The following PIK3C3 variants were observed in gnomAD, a reference collection of about 807,000 sequenced individuals.
PIK3C3 encodes the protein PI3-kinase type 3.
Under a neutral mutation model 126.1 loss-of-function variants are expected in PIK3C3, and 95 were observed. The ratio of observed to expected loss-of-function variants is 0.75; its 90% CI spans 0.64 to 0.89. The LOEUF is 0.89. Among genes scored for constraint, PIK3C3 ranks in the 40% least tolerant of loss-of-function variants. The probability of loss-of-function intolerance (pLI) is 0.00; values close to 1 mark genes in which losing one functional copy is unlikely to be tolerated. For synonymous variants in PIK3C3, 374 were observed against 360.0 expected (o/e 1.04, Z -0.44); for missense variants, 829 against 1,063.2 (o/e 0.78, Z 3.06).
intron 4 of PIK3C3, among the ~76,000 whole-genome samples, chr18:41,975,391 CAAA>C (rs1980864058): frequency 6.6e-5 from 10 of 152,148 alleles, no homozygotes; most frequent in Non-Finnish European, 1.2e-4. Flanking sequence ...AACTACATTT[CAAA>C]TGCTTAGACG....
At chr18:41,987,928 T>C in intron 5 of PIK3C3, 30 bp downstream of exon 5, 1 of 1,284,180 alleles carries the variant, frequency 7.8e-7, no homozygotes, top group Non-Finnish European at 1.1e-6. Flanking sequence ...TATTTTAAAA[T>C]ATTTTCTGTA....
At chr18:42,018,558 T>G (rs1983179791) in intron 12 of PIK3C3, among the ~76,000 whole-genome samples, 1 of 152,090 alleles carries the variant, frequency 6.6e-6, no homozygotes, top group African/African-American at 2.4e-5. Flanking sequence ...ACACCTAAGC[T>G]TTAAAACTGG....
chr18:42,045,258 A>C (rs180813924), intron 20 of PIK3C3, among the ~76,000 whole-genome samples: 3 of 151,948 alleles, frequency 2.0e-5, no homozygotes, highest in African/African-American at 4.8e-5. Flanking sequence ...AAAACACTGA[A>C]GATTTTGAGA....
intron 4 of PIK3C3, among the ~76,000 whole-genome samples, chr18:41,983,422 A>C (rs1458806006): frequency 6.6e-6 from 1 of 151,930 alleles, no homozygotes; most frequent in African/African-American, 2.4e-5. Context: ...TGAAGCCCCA[A>C]AGCTCTTTGG....
chr18:42,029,295 A>C (rs746197661), intron 14 of PIK3C3, 30 bp from the exon 15 acceptor site: 1 of 1,343,188 alleles, frequency 7.4e-7, no homozygotes, highest in African/African-American at 1.4e-5. Flanking sequence ...GCAACATAGA[A>C]CTAATTTTTT....
intron 5 of PIK3C3, among the ~76,000 whole-genome samples, chr18:41,990,016 AC>A (rs1981696815): frequency 6.6e-6 from 1 of 152,172 alleles, no homozygotes; most frequent in Non-Finnish European, 1.5e-5. Context: ...CTTAGGTTGC[AC>A]ACTTTTCTTC....
chr18:41,966,198 T>TTTTTTTTTTTTTTTTTTTTTTC (rs1568112582), intron 3 of PIK3C3, among the ~76,000 whole-genome samples: 1 of 143,614 alleles, frequency 7.0e-6, no homozygotes, highest in Non-Finnish European at 1.5e-5. Context: ...TTTTTTTTTT[T>TTTTTTTTTTTTTTTTTTTTTTC]TTGAGATGGA....
intron 4 of PIK3C3, among the ~76,000 whole-genome samples, chr18:41,986,966 G>T (rs533103151): frequency 5.4e-4 from 82 of 152,156 alleles, no homozygotes; most frequent in African/African-American, 1.9e-3. Flanking sequence ...TTCTGCAAGA[G>T]AGATGAAATT....
At chr18:42,015,221 C>A (rs556770446) in intron 11 of PIK3C3, among the ~76,000 whole-genome samples, 4 of 152,166 alleles carry the variant, frequency 2.6e-5, no homozygotes, top group African/African-American at 9.6e-5. Context: ...AACAAACAAA[C>A]AAACAAACAA....
chr18:41,958,408 A>G (rs1356307806), intron 2 of PIK3C3, among the ~76,000 whole-genome samples: 2 of 152,210 alleles, frequency 1.3e-5, no homozygotes, highest in Non-Finnish European at 2.9e-5. Context: ...TGGTAGGCTC[A>G]GTGTAGGATA....
At chr18:41,986,832 T>G (rs1981503348) in intron 4 of PIK3C3, among the ~76,000 whole-genome samples, 1 of 152,140 alleles carries the variant, frequency 6.6e-6, no homozygotes, top group Admixed American at 6.6e-5. Context: ...GATATTACTT[T>G]TTTTTATTAC....
Position 42,078,383 on chromosome 18 carries a change from C to CAA in PIK3C3, c.2650-2715_2650-2714dup, listed in dbSNP as rs60269462. ...TGGGCAACAGAGCGAGACTCTGTCT[C>CAA]AAAAAAAAAAAAAAAAAAAAAAAAA... On this transcript the variant is annotated intron_variant, in intron 24 of 24. Transcript: ENST00000262039. Among the ~76,000 whole-genome samples, 73 of 72,790 alleles carry CAA rather than the reference C, an allele frequency of 1.0e-3. 1 individual carries two copies. Among genetic ancestry groups the CAA allele is most frequent in the Non-Finnish European group, 1.4e-3 (52 of 37,444 alleles). The allele number at this position is 72,790 out of a possible 152,430, so 47.8% of individuals were successfully genotyped here.
chr18:42,084,705 C>T lies in PIK3C3; in HGVS notation c.*3568C>T, dbSNP rs1384071271. Reference sequence around the variant, plus strand: ...CCCCTGCATCCGATAAGTGGCTGCACTAGACCACAGGAACCAGACTCCACT... The same window carrying T: ...CCCCTGCATCCGATAAGTGGCTGCATTAGACCACAGGAACCAGACTCCACT... On this transcript the variant is annotated 3_prime_UTR_variant, in exon 25 of 25. Transcript: ENST00000262039. 1 of 151,928 alleles carries T rather than the reference C, an allele frequency of 6.6e-6. No individual in the cohort carries two copies. Among genetic ancestry groups the T allele is most frequent in the Admixed American group, 6.6e-5 (1 of 15,242 alleles). 9.4% of individuals were successfully genotyped at this position (151,928 alleles called of 1,614,324 possible). A position where few individuals can be genotyped will look rare whatever the true frequency, so the allele number is the denominator to read the frequency against.
At chr18:42,034,258 T>C (rs746577907) in intron 16 of PIK3C3, among the ~76,000 whole-genome samples, 3 of 152,192 alleles carry the variant, frequency 2.0e-5, no homozygotes, top group Non-Finnish European at 2.9e-5. Context: ...CTCACTTTGT[T>C]ATCCAGGCTG....
At chr18:41,983,453 T>TA (rs1981308547) in intron 4 of PIK3C3, among the ~76,000 whole-genome samples, 2 of 152,148 alleles carry the variant, frequency 1.3e-5, no homozygotes, top group South Asian at 4.1e-4. Context: ...AGAGTATACT[T>TA]ACATTTGTTT....
At chr18:42,071,174 G>A (rs1435015355) in intron 24 of PIK3C3, among the ~76,000 whole-genome samples, 1 of 152,128 alleles carries the variant, frequency 6.6e-6, no homozygotes, top group Non-Finnish European at 1.5e-5. Context: ...ACAGTCTAAG[G>A]ATCACCATCT....
chr18:41,990,917 A>T (rs1010898011), intron 6 of PIK3C3, among the ~76,000 whole-genome samples: 18 of 152,196 alleles, frequency 1.2e-4, no homozygotes, highest in African/African-American at 3.6e-4. Flanking sequence ...TAGGCTATTT[A>T]TTGAAAGTTA....
chr18:42,003,929 G>A (rs1383883441), intron 9 of PIK3C3, among the ~76,000 whole-genome samples: 2 of 152,164 alleles, frequency 1.3e-5, no homozygotes, highest in Admixed American at 6.5e-5. Flanking sequence ...AGGCTATTGG[G>A]AATTTCTGCC....
rs1984700581 is a variant in PIK3C3, at chr18:42,049,535, A to C, written c.2193A>C (p.Gly731=). The change falls in exon 21 of 25, where the codon GGA becomes GGC. Residue 731 remains glycine, a synonymous_variant. Transcript: ENST00000262039. Reference sequence around the variant, plus strand: ...TTTTTTTAACTGTTACTGCAGCTGGATATTGCGTGATCACCTATATACTTG... The same window carrying C: ...TTTTTTTAACTGTTACTGCAGCTGGCTATTGCGTGATCACCTATATACTTG... ...VMDTYVKSCA[G]YCVITYILGV... 2 of 1,612,436 alleles carry C rather than the reference A, an allele frequency of 1.2e-6. No homozygotes were observed. The highest frequency in any genetic ancestry group is 2.2e-5 in the East Asian group (1 of 44,882).
Sources: gnomAD v4.1 joint callset for allele counts (sites outside exome capture counted in the v4.1 genomes callset) on GRCh38, gnomAD v4.1.1 for gene constraint, MANE v1.5 for transcripts, NCBI Gene and HGNC (gene_info 2026-07-23, HGNC 2026-07-21) for gene names.